Variants in NOL10 observed in about 807,000 individuals in gnomAD.
The protein encoded by NOL10 is nucleolar protein 10.
Under a neutral mutation model 103.5 loss-of-function variants are expected in NOL10, and 58 were observed. That is an observed-to-expected ratio of 0.56 (90% CI 0.45 to 0.70). The LOEUF is 0.70. Among genes scored for constraint, NOL10 ranks in the 30% least tolerant of loss-of-function variants. NOL10 has a pLI of 0.00. For synonymous variants in NOL10, 287 were observed against 282.5 expected, an observed-to-expected ratio of 1.02 and a Z score of -0.16; for missense variants, 763 against 807.3, an observed-to-expected ratio of 0.95 and a Z score of 0.67.
chr2:10,612,988 A>G (rs1344172303), intron 13 of NOL10, among the ~76,000 whole-genome samples: 1 of 147,596 alleles, frequency 6.8e-6, no homozygotes, highest in Non-Finnish European at 1.5e-5. Context: ...TGGGCAACAG[A>G]ATAAGACCCT....
chr2:10,617,004 G>A (rs1676870795), intron 13 of NOL10, among the ~76,000 whole-genome samples: 1 of 92,330 alleles, frequency 1.1e-5, no homozygotes, highest in Non-Finnish European at 2.1e-5. Flanking sequence ...TAGATACTCA[G>A]TGACAAAACA....
intron 3 of NOL10, among the ~76,000 whole-genome samples, chr2:10,678,085 G>A (rs886208870): frequency 2.0e-5 from 3 of 151,970 alleles, no homozygotes; most frequent in Non-Finnish European, 2.9e-5. Flanking sequence ...GGGTCTCGCT[G>A]TTGCCCAGGT....
chr2:10,612,879 A>G (rs1413954181), intron 13 of NOL10, among the ~76,000 whole-genome samples: 1 of 152,040 alleles, frequency 6.6e-6, no homozygotes, highest in Non-Finnish European at 1.5e-5. Context: ...ATATTAAAAA[A>G]TTAACCAGGT....
rs1255858018 is a variant in NOL10 at position 10,587,142 on chromosome 2, T to C, written c.1844+1901A>G. Among the ~76,000 whole-genome samples the C allele has an allele frequency of 2.2e-4, 9 of 40,328 alleles. 2 individuals are homozygous for C. Among genetic ancestry groups the C allele is most frequent in the South Asian group, 5.0e-4 (1 of 2,002 alleles). The allele number at this position is 40,328 out of a possible 152,430, so 26.5% of individuals were successfully genotyped here. On this transcript the variant is annotated intron_variant, in intron 19 of 20. Coordinates refer to ENST00000381685, the MANE Select transcript of NOL10 (RefSeq NM_024894.4). ...ATACATATATATACATATATACACATATATATACATATATACACATATATA... is the reference window on the plus strand; with the variant it reads ...ATACATATATATACATATATACACACATATATACATATATACACATATATA...
chr2:10,572,793 C>CAGACG (rs1158202687), intron 20 of NOL10, among the ~76,000 whole-genome samples: 1 of 152,186 alleles, frequency 6.6e-6, no homozygotes, highest in East Asian at 1.9e-4. Context: ...AAAAGCCAGG[C>CAGACG]AGACGATGCA....
intron 12 of NOL10, among the ~76,000 whole-genome samples, chr2:10,649,715 G>A (rs557799778): frequency 7.3e-4 from 111 of 152,186 alleles, no homozygotes; most frequent in Non-Finnish European, 1.2e-3. Flanking sequence ...TCTGTAAAGG[G>A]CCAGGCAGTA....
intron 11 of NOL10, among the ~76,000 whole-genome samples, chr2:10,657,437 AG>A (rs1445712824): frequency 1.3e-5 from 2 of 152,146 alleles, no homozygotes; most frequent in Admixed American, 1.3e-4. Context: ...CTCAATATCT[AG>A]GGGGTTTCTC....
chr2:10,641,375 A>C (rs2148274473), intron 13 of NOL10, among the ~76,000 whole-genome samples: 1 of 151,924 alleles, frequency 6.6e-6, no homozygotes, highest in South Asian at 2.1e-4. Flanking sequence ...AAAAAATACA[A>C]CTTCCCACAC....
At chr2:10,596,530 T>G (rs1257149077) in intron 17 of NOL10, among the ~76,000 whole-genome samples, 4 of 151,980 alleles carry the variant, frequency 2.6e-5, no homozygotes, top group African/African-American at 7.3e-5. Flanking sequence ...CACAATAGGG[T>G]TCATGCTCCT....
At chr2:10,581,588 A>G (rs1487688363) in intron 19 of NOL10, among the ~76,000 whole-genome samples, 1 of 152,184 alleles carries the variant, frequency 6.6e-6, no homozygotes, top group Admixed American at 6.5e-5. Flanking sequence ...GCATTTTGGG[A>G]GGCTGAGGCA....
intron 13 of NOL10, among the ~76,000 whole-genome samples, chr2:10,629,072 C>T (rs924665314): frequency 6.6e-6 from 1 of 152,006 alleles, no homozygotes; most frequent in African/African-American, 2.4e-5. Flanking sequence ...CAAACATGCT[C>T]GCTTGCTCCC....
At chr2:10,644,649 A>C (rs1218223535) in intron 12 of NOL10, among the ~76,000 whole-genome samples, 1 of 152,242 alleles carries the variant, frequency 6.6e-6, no homozygotes, top group East Asian at 1.9e-4. Context: ...TACACCAGAA[A>C]GTCCTAGAGG....
chr2:10,678,125 T>C (rs1054827944), intron 3 of NOL10, among the ~76,000 whole-genome samples: 4 of 150,708 alleles, frequency 2.7e-5, no homozygotes, highest in African/African-American at 9.7e-5. Flanking sequence ...CATAGCTCAC[T>C]GTAACCTCAA....
chr2:10,669,168 CG>C (rs1469400200), intron 6 of NOL10, among the ~76,000 whole-genome samples: 4 of 151,710 alleles, frequency 2.6e-5, no homozygotes, highest in African/African-American at 9.7e-5. Context: ...TCTCAGCTCA[CG>C]GGCGCCACTC....
At chr2:10,671,971 A>C (rs1169152320) in intron 5 of NOL10, among the ~76,000 whole-genome samples, 8 of 152,318 alleles carry the variant, frequency 5.3e-5, no homozygotes, top group Non-Finnish European at 1.2e-4. Context: ...CCAGCATGTC[A>C]TAACATAGAG....
At chr2:10,671,409 C>CTT (rs5829273) in intron 6 of NOL10, 145 bp downstream of exon 6, 728 of 457,958 alleles carry the variant, frequency 1.6e-3, no homozygotes, top group South Asian at 1.9e-3. Flanking sequence ...GTTTTCTTTT[C>CTT]TTTTTTTTTT....
At chr2:10,584,522 C>A (rs1019084514) in intron 19 of NOL10, among the ~76,000 whole-genome samples, 2 of 152,134 alleles carry the variant, frequency 1.3e-5, no homozygotes, top group African/African-American at 2.4e-5. Context: ...CATTTTAAAG[C>A]TAGGCAAGTC....
chr2:10,605,871 C>T (rs1371498755), intron 14 of NOL10, among the ~76,000 whole-genome samples: 3 of 152,228 alleles, frequency 2.0e-5, no homozygotes, highest in Non-Finnish European at 4.4e-5. Flanking sequence ...CCTGGATTAA[C>T]TGTGCTATGA....
In NOL10 at chr2:10,607,233, C is replaced by T. The variant is rs1395105613; in HGVS notation, c.1105G>A (p.Val369Ile). 6.2e-7 allele frequency: 1 copy of T among 1,607,550 alleles called. No individual in the cohort carries two copies. Among genetic ancestry groups the T allele is most frequent in the Admixed American group, 1.7e-5 (1 of 59,350 alleles). The change falls in exon 14 of 21, where the codon GTC becomes ATC. Residue 369 changes from valine (V) to isoleucine (I), a missense_variant. By Grantham distance (29) the Val-to-Ile change is conservative. Coordinates refer to ENST00000381685, the MANE Select transcript of NOL10 (RefSeq NM_024894.4). ...GTGACAAATTTATAATCATCATAGA[C>T]TGTGCTTTCTGGATTCTCTTCTAAT... Reference protein sequence around the residue: ...EELEENPESTVYDDYKFVTKK... With the variant: ...EELEENPESTIYDDYKFVTKK...
Sources: allele counts gnomAD v4.1 joint callset (sites outside exome capture counted in the v4.1 genomes callset), GRCh38; gene constraint gnomAD v4.1.1; transcripts MANE v1.5; gene names NCBI Gene and HGNC (gene_info 2026-07-23, HGNC 2026-07-21).